Variants in SMC3 observed in about 807,000 individuals in gnomAD.
SMC3 encodes the protein structural maintenance of chromosomes 3.
SMC3 carries 20 observed loss-of-function variants against 171.8 expected under a neutral mutation model. The ratio of observed to expected loss-of-function variants is 0.12; its 90% CI spans 0.08 to 0.17. SMC3 has a LOEUF of 0.17. Ranked by LOEUF, SMC3 falls within the 10% of genes least tolerant of loss-of-function variation. The probability of loss-of-function intolerance (pLI) is 1.00; values close to 1 mark genes in which losing one functional copy is unlikely to be tolerated. For missense variants in SMC3, 543 were observed against 1,420.4 expected, an observed-to-expected ratio of 0.38 and a Z score of 9.93; for synonymous variants, 464 against 451.1, an observed-to-expected ratio of 1.03 and a Z score of -0.36.
In SMC3 at chr10:110,589,655, C is replaced by T. The variant is rs768479107; in HGVS notation, c.1356C>T (p.Asp452=). 7.4e-6 allele frequency: 12 copies of T among 1,610,934 alleles called. No homozygotes were observed. Among genetic ancestry groups the T allele is most frequent in the Non-Finnish European group, 8.5e-7 (1 of 1,177,686 alleles). Residue 452 remains aspartate, a synonymous_variant, in exon 14 of 29, where the codon GAC becomes GAT. Coordinates refer to ENST00000361804, the MANE Select transcript of SMC3 (RefSeq NM_005445.4). ...NEVKARVEEL[D]RKYYEVKNKK... ...TCAAAGCTCGAGTAGAAGAACTGGACAGAAAATATTACGAAGTAAAAAATA... is the reference window on the plus strand; with the variant it reads ...TCAAAGCTCGAGTAGAAGAACTGGATAGAAAATATTACGAAGTAAAAAATA...
chr10:110,578,867 G>A (rs1564789169), intron 7 of SMC3, among the ~76,000 whole-genome samples, 161 bp downstream of exon 7: 2 of 152,138 alleles, frequency 1.3e-5, no homozygotes, highest in Non-Finnish European at 2.9e-5. Context: ...ATGTTGAGAT[G>A]GAAGTATTTC....
chr10:110,587,704 A>C (rs1207766607), intron 13 of SMC3, among the ~76,000 whole-genome samples: 2 of 151,812 alleles, frequency 1.3e-5, no homozygotes, highest in Non-Finnish European at 2.9e-5. Flanking sequence ...AAAAAAAAAA[A>C]AAGAAATATT....
intron 28 of SMC3, 118 bp from the exon 29 acceptor site, chr10:110,604,113 A>AC (rs1188552872): frequency 1.1e-5 from 6 of 552,232 alleles, no homozygotes; most frequent in South Asian, 5.5e-5. Context: ...AAAAAAAAAA[A>AC]AAAACTAAAA....
rs890425775 is a variant in SMC3 at position 110,604,959 on chromosome 10, A to G, written c.*657A>G. ...CAGAGGATACATTACATTTACTTAC[A>G]TCTCCTCTAGTCTGTGACAATTTCT... On this transcript the variant is annotated 3_prime_UTR_variant, in exon 29 of 29. Transcript: ENST00000361804. 1.3e-5 allele frequency among the ~76,000 whole-genome samples: 2 copies of G among 152,090 alleles called. No homozygotes were observed. Among genetic ancestry groups the G allele is most frequent in the East Asian group, 1.9e-4 (1 of 5,196 alleles).
chr10:110,568,215 C>A, intron 1 of SMC3: 1 of 320,882 alleles, frequency 3.1e-6, no homozygotes. Context: ...CAGGGGTGGC[C>A]TCACACGGCC....
At chr10:110,602,248 AG>A (rs1861398785) in intron 25 of SMC3, 70 bp downstream of exon 25, 1 of 1,418,096 alleles carries the variant, frequency 7.1e-7, no homozygotes, top group African/African-American at 1.4e-5. Flanking sequence ...CAGTTTGTAA[AG>A]ATTTTAAAGC....
chr10:110,594,785 A>C (rs1406425902), intron 18 of SMC3, among the ~76,000 whole-genome samples: 1 of 152,014 alleles, frequency 6.6e-6, no homozygotes, highest in African/African-American at 2.4e-5. Flanking sequence ...TAAGTAAAAC[A>C]TCATGTCATG....
intron 23 of SMC3, among the ~76,000 whole-genome samples, 193 bp from the exon 24 acceptor site, chr10:110,601,444 A>T (rs1861385751): frequency 6.6e-6 from 1 of 152,204 alleles, no homozygotes; most frequent in South Asian, 2.1e-4. Context: ...GAATAATGAA[A>T]ATTATATATT....
chr10:110,587,848 A>C (rs1337051112), intron 13 of SMC3, among the ~76,000 whole-genome samples: 1 of 152,192 alleles, frequency 6.6e-6, no homozygotes, highest in East Asian at 1.9e-4. Context: ...TAGCCTGGGG[A>C]TGAATTAAGT....
Position 110,593,119 on chromosome 10 carries a change from A to G in SMC3, c.1859A>G (p.Asp620Gly). ...AAACTGAGGTACAATCCCAGATTTG[A>G]CAAAGCTTTCAAACATGTGTTTGGA... ...ISKLRYNPRF[D>G]KAFKHVFGKT... The change falls in exon 18 of 29, where the codon GAC (aspartate) becomes GGC (glycine). Residue 620 changes from aspartate (D) to glycine (G), a missense_variant. Asp to Gly is a moderately conservative substitution (Grantham distance 94). Around this residue, in one of 8 missense-constraint regions of SMC3, gnomAD observed 218 missense variants for 509.6 expected, o/e 0.43. Transcript: ENST00000361804. 6.2e-7 allele frequency: 1 copy of G among 1,614,126 alleles called. No homozygotes were observed. Among genetic ancestry groups the G allele is most frequent in the Non-Finnish European group, 8.5e-7 (1 of 1,179,956 alleles).
At position 110,604,543 on chromosome 10, in the gene SMC3, T is replaced by C; in HGVS notation, c.*241T>C. ...AAATGTTCTGCTCCTATTTTAAATG[T>C]TTTGAAACATGCTAAATATTCTTTC... is the stretch of plus-strand genomic sequence containing the variant. On this transcript the variant is annotated 3_prime_UTR_variant, in exon 29 of 29. Transcript: ENST00000361804. 1 of 449,304 alleles carries C rather than the reference T, an allele frequency of 2.2e-6. No homozygotes were observed. Among genetic ancestry groups the C allele is most frequent in the South Asian group, 2.6e-5 (1 of 39,204 alleles). 27.8% of individuals were successfully genotyped at this position (449,304 alleles called of 1,614,324 possible). A position where few individuals can be genotyped will look rare whatever the true frequency, so the allele number is the denominator to read the frequency against.
rs760854188 is a variant in SMC3, at chr10:110,584,412, G to T, written c.1305+16G>T. On this transcript the variant is annotated intron_variant, in intron 13 of 28. Coordinates refer to ENST00000361804, the MANE Select transcript of SMC3 (RefSeq NM_005445.4). Reference sequence around the variant, plus strand: ...GCAGTATAATGTAAGAACTTCTATAGCTGCTTTGTAAAAATCTTTCAGAAG... The same window carrying T: ...GCAGTATAATGTAAGAACTTCTATATCTGCTTTGTAAAAATCTTTCAGAAG... 6.4e-7 allele frequency: 1 copy of T among 1,560,688 alleles called. No individual in the cohort carries two copies. The highest frequency in any genetic ancestry group is 1.1e-5 in the South Asian group (1 of 89,428).
At position 110,571,079 on chromosome 10, in the gene SMC3, A is replaced by C. The variant is rs549278335; in HGVS notation, c.91+2066A>C. Among the ~76,000 whole-genome samples, 62 of 152,364 alleles carry C rather than the reference A, an allele frequency of 4.1e-4. No individual in the cohort carries two copies. In the South Asian group the frequency reaches 0.013, roughly 31 times the overall value. On this transcript the variant is annotated intron_variant, in intron 2 of 28. Coordinates refer to ENST00000361804, the MANE Select transcript of SMC3 (RefSeq NM_005445.4). Reference sequence around the variant, plus strand: ...CCCTAACCTTTAACAAAAGAAATACATGTTATAGAACATTATGGAAAAGCT... The same window carrying C: ...CCCTAACCTTTAACAAAAGAAATACCTGTTATAGAACATTATGGAAAAGCT...
chr10:110,568,255 T>G, intron 1 of SMC3: 4 of 218,748 alleles, frequency 1.8e-5, no homozygotes, highest in Non-Finnish European at 2.7e-5. Flanking sequence ...GAAAGGTGGC[T>G]TCCCCGGCCC....
chr10:110,572,757 A>G (rs954332697), intron 2 of SMC3, among the ~76,000 whole-genome samples: 1 of 152,190 alleles, frequency 6.6e-6, no homozygotes, highest in Non-Finnish European at 1.5e-5. Flanking sequence ...TCTGACGGTC[A>G]CAAAATGATT....
Position 110,583,486 on chromosome 10 carries a change from A to T in SMC3, c.907A>T (p.Thr303Ser). The stretch of plus-strand genomic sequence containing the variant: ...AAGACAAGAGCAGATTAAGCAGAGG[A>T]CTAAGTTGGAGCTTAAAGCCAAGGA... ...AERQEQIKQR[T>S]KLELKAKDLQ... The change falls in exon 11 of 29, where the codon ACT becomes TCT. Residue 303 changes from threonine (T) to serine (S), a missense_variant. Coordinates refer to ENST00000361804, the MANE Select transcript of SMC3 (RefSeq NM_005445.4). 6.2e-7 allele frequency: 1 copy of T among 1,614,074 alleles called. No homozygotes were observed.
intron 1 of SMC3, 76 bp downstream of exon 1, chr10:110,567,907 A>G (rs1860798589): frequency 2.1e-6 from 3 of 1,453,258 alleles, no homozygotes; most frequent in South Asian, 2.3e-5. Flanking sequence ...TTGCGGCGCC[A>G]CCCGCAGCCT....
rs1861369791 is a variant in SMC3 at position 110,600,554 on chromosome 10, T to C, written c.2535+8T>C. ...TTGGACCAAGTAGAACAGGTGTGTA[T>C]GTGTTTTTTTTTTTTTTTTTAAGGG... On this transcript the variant is annotated splice_region_variant and intron_variant, in intron 22 of 28. Coordinates refer to ENST00000361804, the MANE Select transcript of SMC3 (RefSeq NM_005445.4). 7.0e-7 allele frequency: 1 copy of C among 1,433,260 alleles called. No individual in the cohort carries two copies. The highest frequency in any genetic ancestry group is 9.8e-7 in the Non-Finnish European group (1 of 1,018,814). The allele number at this position is 1,433,260 out of a possible 1,614,324, so 88.8% of individuals were successfully genotyped here.
intron 1 of SMC3, chr10:110,568,558 A>G (rs1422125888): frequency 8.7e-6 from 2 of 230,052 alleles, no homozygotes; most frequent in Admixed American, 5.3e-5. Flanking sequence ...GAGTGACTGA[A>G]AGCAGCACTC....
Sources: allele counts gnomAD v4.1 joint callset (sites outside exome capture counted in the v4.1 genomes callset), GRCh38; gene constraint gnomAD v4.1.1; regional missense constraint gnomAD v4.1.1; transcripts MANE v1.5; gene names NCBI Gene and HGNC (gene_info 2026-07-23, HGNC 2026-07-21).